PKP1: variants seen among roughly 807,000 people sequenced by gnomAD.
PKP1 encodes plakophilin 1.
PKP1 carries 27 observed loss-of-function variants against 76.4 expected under a neutral mutation model. The observed-to-expected ratio is 0.35, with a 90% CI of 0.26 to 0.49. The LOEUF (loss-of-function observed/expected upper bound fraction) is 0.49. PKP1 is among the 20% of genes least tolerant of loss of function. PKP1 has a pLI of 0.99. For missense variants in PKP1, 964 were observed against 955.2 expected (o/e 1.01, Z -0.12); for synonymous variants, 404 against 384.2 (o/e 1.05, Z -0.60).
Position 201,330,213 on chromosome 1 carries a change from T to A in PKP1, c.*172T>A, listed in dbSNP as rs891022769. 6.6e-6 allele frequency: 1 copy of A among 152,006 alleles called. No individual in the cohort carries two copies. The highest frequency in any genetic ancestry group is 2.4e-5 in the African/African-American group (1 of 41,380). The allele number at this position is 152,006 out of a possible 1,614,324, so 9.4% of individuals were successfully genotyped here. Reference sequence around the variant, plus strand: ...GATAGTGGAAAGATTTTTAGATTTTTTTTTTCCTTGGGGAAACTGGCAGGC... The same window carrying A: ...GATAGTGGAAAGATTTTTAGATTTTATTTTTCCTTGGGGAAACTGGCAGGC... On this transcript the variant is annotated 3_prime_UTR_variant, in exon 14 of 14. Transcript: ENST00000367324.
intron 2 of PKP1, among the ~76,000 whole-genome samples, chr1:201,304,129 G>A (rs1656308847): frequency 6.6e-6 from 1 of 152,114 alleles, no homozygotes; most frequent in Non-Finnish European, 1.5e-5. Flanking sequence ...TATCTACCTA[G>A]GGTCCTAATC....
In PKP1 at chr1:201,331,428, T is replaced by C. The variant is rs1040597569; in HGVS notation, c.*1387T>C. 3 of 152,386 alleles carry C rather than the reference T, an allele frequency of 2.0e-5. No homozygotes were observed. Among genetic ancestry groups the C allele is most frequent in the Admixed American group, 2.0e-4 (3 of 15,266 alleles). 9.4% of individuals were successfully genotyped at this position (152,386 alleles called of 1,614,324 possible). A position where few individuals can be genotyped will look rare whatever the true frequency, so the allele number is the denominator to read the frequency against. On this transcript the variant is annotated 3_prime_UTR_variant, in exon 14 of 14. Coordinates refer to ENST00000367324, the MANE Select transcript of PKP1 (RefSeq NM_001005337.3). ...AGCAGGAGGGCTCCCGAGGGCCTTA[T>C]GAGAAAACCTGTGTGGACATCCCTT...
intron 2 of PKP1, among the ~76,000 whole-genome samples, chr1:201,307,410 C>T (rs1656403608): frequency 6.6e-6 from 1 of 152,032 alleles, no homozygotes; most frequent in Admixed American, 6.6e-5. Flanking sequence ...TGCTGAAGTC[C>T]CATCTGTTGT....
At chr1:201,320,540 G>T (rs1319179693) in intron 7 of PKP1, among the ~76,000 whole-genome samples, 159 bp downstream of exon 7, 1 of 152,170 alleles carries the variant, frequency 6.6e-6, no homozygotes, top group East Asian at 1.9e-4. Flanking sequence ...ACAGGAGTGG[G>T]CTCTGGGGAC....
At chr1:201,284,356 T>C (rs1371779168) in intron 1 of PKP1, among the ~76,000 whole-genome samples, 1 of 152,194 alleles carries the variant, frequency 6.6e-6, no homozygotes, top group African/African-American at 2.4e-5. Context: ...TGGGCCACCC[T>C]TCACCCTTCC....
intron 9 of PKP1, among the ~76,000 whole-genome samples, chr1:201,323,666 A>G (rs1543805): frequency 0.62 from 94,460 of 152,068 alleles, 30,343 homozygotes; most frequent in East Asian, 0.76. Flanking sequence ...GGGCAGAGCC[A>G]GAGGAAACCT....
chr1:201,312,520 C>G (rs1393430204), intron 2 of PKP1, among the ~76,000 whole-genome samples: 1 of 152,222 alleles, frequency 6.6e-6, no homozygotes, highest in Admixed American at 6.5e-5. Context: ...GGTTGTCAAA[C>G]TTTTTTGACA....
chr1:201,283,519 G>A lies in PKP1; in HGVS notation c.-184G>A, dbSNP rs1655633722. 1 of 661,106 alleles carries A rather than the reference G, an allele frequency of 1.5e-6. No homozygotes were observed. The highest frequency in any genetic ancestry group is 1.7e-5 in the South Asian group (1 of 58,388). 41.0% of individuals were successfully genotyped at this position (661,106 alleles called of 1,614,324 possible). ...GCGGGCCTCGCCAGTGCCAGAGAGG[G>A]ACGAACCAGGGTGGAAGCGCCAGGA... On this transcript the variant is annotated 5_prime_UTR_variant, in exon 1 of 14. Transcript: ENST00000367324.
chr1:201,310,411 C>T (rs1656511724), intron 2 of PKP1, among the ~76,000 whole-genome samples: 1 of 152,250 alleles, frequency 6.6e-6, no homozygotes, highest in Non-Finnish European at 1.5e-5. Context: ...GCTCCAGAGT[C>T]TGTGTTCTTG....
intron 3 of PKP1, among the ~76,000 whole-genome samples, chr1:201,315,354 G>A (rs907293256): frequency 1.3e-5 from 2 of 152,204 alleles, no homozygotes; most frequent in Non-Finnish European, 2.9e-5. Context: ...ATGAAGTTGG[G>A]CTGCTATAGC....
chr1:201,318,924 A>T, intron 6 of PKP1, 129 bp downstream of exon 6: 1 of 816,238 alleles, frequency 1.2e-6, no homozygotes, highest in Non-Finnish European at 2.1e-6. Context: ...TCTTATGGGC[A>T]GGCTCCAAGA....
chr1:201,320,661 A>G (rs977531068), intron 7 of PKP1, among the ~76,000 whole-genome samples: 2 of 152,344 alleles, frequency 1.3e-5, no homozygotes, highest in Admixed American at 6.5e-5. Context: ...AAAGGGTCAT[A>G]ATCATATCAA....
rs1238892968 is a variant in PKP1, at chr1:201,331,155, T to C, written c.*1114T>C. The C allele has an allele frequency of 2.0e-5, 3 of 152,054 alleles. No homozygotes were observed. Among genetic ancestry groups the C allele is most frequent in the South Asian group, 2.1e-4 (1 of 4,802 alleles). 9.4% of individuals were successfully genotyped at this position (152,054 alleles called of 1,614,324 possible). ...TTCCACCAAGCCTGCTGTGAGTCAA[T>C]TGAGGGAGTGTTTGGGGTCCCAGGA... On this transcript the variant is annotated 3_prime_UTR_variant, in exon 14 of 14. Coordinates refer to ENST00000367324, the MANE Select transcript of PKP1 (RefSeq NM_001005337.3).
At chr1:201,328,698 G>A in intron 12 of PKP1, 64 bp from the exon 13 acceptor site, 1 of 1,460,530 alleles carries the variant, frequency 6.8e-7, no homozygotes, top group Non-Finnish European at 9.6e-7. Flanking sequence ...AGTGGACAGT[G>A]TCTGACCCCA....
intron 8 of PKP1, among the ~76,000 whole-genome samples, 194 bp from the exon 9 acceptor site, chr1:201,322,819 A>T (rs1656988346): frequency 6.6e-6 from 1 of 152,024 alleles, no homozygotes; most frequent in Non-Finnish European, 1.5e-5. Context: ...CCTGCATCCC[A>T]TGGAGCTGCT....
intron 2 of PKP1, among the ~76,000 whole-genome samples, chr1:201,310,154 C>T (rs544750481): frequency 1.3e-5 from 2 of 152,276 alleles, no homozygotes; most frequent in East Asian, 3.9e-4. Flanking sequence ...CCTTTAGGAG[C>T]CAAGTCCTAA....
chr1:201,315,080 G>A (rs574715069), intron 3 of PKP1, among the ~76,000 whole-genome samples: 1 of 152,360 alleles, frequency 6.6e-6, no homozygotes, highest in Admixed American at 6.5e-5. Flanking sequence ...CCTGATGGCC[G>A]TAAGGCGTAT....
At chr1:201,312,252 G>A (rs1318105151) in intron 2 of PKP1, among the ~76,000 whole-genome samples, 4 of 152,204 alleles carry the variant, frequency 2.6e-5, no homozygotes, top group African/African-American at 7.2e-5. Flanking sequence ...AAGAGGGGAG[G>A]CAAGATGAAG....
At chr1:201,299,654 T>C (rs1156994980) in intron 2 of PKP1, among the ~76,000 whole-genome samples, 1 of 152,216 alleles carries the variant, frequency 6.6e-6, no homozygotes, top group Non-Finnish European at 1.5e-5. Context: ...TAAAAGCTTC[T>C]TAATTTCCTC....
Sources: gnomAD v4.1 joint callset for allele counts (sites outside exome capture counted in the v4.1 genomes callset) on GRCh38, gnomAD v4.1.1 for gene constraint, MANE v1.5 for transcripts, NCBI Gene and HGNC (gene_info 2026-07-23, HGNC 2026-07-21) for gene names.